The following BCAS1 variants were observed in gnomAD, a reference collection of about 807,000 sequenced individuals.
The protein encoded by BCAS1 is brain enriched myelin associated protein 1, also known as breast carcinoma-amplified sequence 1.
Under a neutral mutation model 65.4 loss-of-function variants are expected in BCAS1, and 46 were observed. The ratio of observed to expected loss-of-function variants is 0.70; its 90% CI spans 0.55 to 0.90. BCAS1 has a LOEUF of 0.90. BCAS1 is among the 40% of genes least tolerant of loss of function. BCAS1 has a pLI of 0.00. For synonymous variants in BCAS1, 298 were observed against 293.5 expected, an observed-to-expected ratio of 1.02 and a Z score of -0.16; for missense variants, 793 against 771.2, an observed-to-expected ratio of 1.03 and a Z score of -0.33.
intron 8 of BCAS1, among the ~76,000 whole-genome samples, chr20:53,983,759 T>G (rs2090542885): frequency 6.6e-6 from 1 of 152,186 alleles, no homozygotes; most frequent in Non-Finnish European, 1.5e-5. Context: ...ATTGGCTTGG[T>G]CAGGACTTTC....
intron 4 of BCAS1, among the ~76,000 whole-genome samples, chr20:54,022,519 G>T (rs1600899208): frequency 1.3e-5 from 2 of 152,280 alleles, no homozygotes; most frequent in African/African-American, 4.8e-5. Flanking sequence ...GCAGGTAGTA[G>T]CTTCCTTTTG....
intron 8 of BCAS1, among the ~76,000 whole-genome samples, chr20:53,979,381 G>A (rs1278487979): frequency 2.0e-5 from 3 of 152,124 alleles, no homozygotes; most frequent in Non-Finnish European, 4.4e-5. Flanking sequence ...AGCTACTCTC[G>A]AACTGGCTGT....
chr20:54,043,194 GCACA>G (rs2092031188), intron 3 of BCAS1, among the ~76,000 whole-genome samples: 1 of 152,184 alleles, frequency 6.6e-6, no homozygotes, highest in Non-Finnish European at 1.5e-5. Context: ...CAGATGGGAT[GCACA>G]TTGTGACGGG....
At chr20:53,994,861 T>C in intron 6 of BCAS1, 151 bp downstream of exon 6, 1 of 552,768 alleles carries the variant, frequency 1.8e-6, no homozygotes, top group Non-Finnish European at 3.1e-6. Context: ...ACAGCACTAT[T>C]AAATTGCTAA....
At chr20:53,954,293 TGGAGAG>T (rs754833028) in intron 11 of BCAS1, among the ~76,000 whole-genome samples, 1 of 59,290 alleles carries the variant, frequency 1.7e-5, no homozygotes, top group Admixed American at 2.0e-4. Context: ...AGCTGAGAAA[TGGAGAG>T]AGAGAGAGAG....
At chr20:54,058,292 A>T (rs2092327894) in intron 2 of BCAS1, 138 bp from the exon 3 acceptor site, 1 of 809,868 alleles carries the variant, frequency 1.2e-6, no homozygotes, top group Admixed American at 2.2e-5. Context: ...GAAACTCCCC[A>T]GTTTTCTATC....
chr20:54,066,262 CG>C (rs2092440996), intron 1 of BCAS1, among the ~76,000 whole-genome samples: 1 of 152,086 alleles, frequency 6.6e-6, no homozygotes. Context: ...TTGGTAGAGA[CG>C]GGGTTTCCCC....
At chr20:53,947,336 T>A (rs570493357) in intron 12 of BCAS1, among the ~76,000 whole-genome samples, 2 of 152,328 alleles carry the variant, frequency 1.3e-5, no homozygotes, top group East Asian at 3.8e-4. Flanking sequence ...CACTACTTCA[T>A]TCAACAACAT....
intron 3 of BCAS1, among the ~76,000 whole-genome samples, chr20:54,049,457 T>C (rs1290231574): frequency 6.6e-6 from 1 of 152,174 alleles, no homozygotes; most frequent in Non-Finnish European, 1.5e-5. Flanking sequence ...GCATTTTTAT[T>C]TCTCCAAAGA....
intron 4 of BCAS1, among the ~76,000 whole-genome samples, chr20:54,026,862 T>A (rs1248896933): frequency 6.6e-6 from 1 of 152,190 alleles, no homozygotes; most frequent in African/African-American, 2.4e-5. Flanking sequence ...CACACTCTGC[T>A]CCCCCAGCAC....
intron 3 of BCAS1, among the ~76,000 whole-genome samples, chr20:54,040,559 G>A (rs1336737922): frequency 6.6e-6 from 1 of 151,306 alleles, no homozygotes; most frequent in Non-Finnish European, 1.5e-5. Flanking sequence ...TTTCTTTGGA[G>A]CAGATATACT....
intron 11 of BCAS1, among the ~76,000 whole-genome samples, chr20:53,954,133 C>G (rs951543612): frequency 5.3e-5 from 8 of 152,168 alleles, no homozygotes; most frequent in African/African-American, 1.9e-4. Flanking sequence ...AACACTGGAG[C>G]TAATCTCAGA....
intron 3 of BCAS1, 111 bp from the exon 4 acceptor site, chr20:54,029,083 T>C: frequency 4.1e-6 from 6 of 1,450,820 alleles, no homozygotes; most frequent in Non-Finnish European, 5.4e-6. Flanking sequence ...ACTGGAACTG[T>C]GTTGTTCTCT....
At position 54,028,835 on chromosome 20, in the gene BCAS1, G is replaced by A. The variant is rs1392704375; in HGVS notation, c.280C>T (p.Arg94Cys). 5 of 1,614,084 alleles carry A rather than the reference G, an allele frequency of 3.1e-6. No individual in the cohort carries two copies. The Admixed American group carries it at 5.0e-5, about 16-fold the overall frequency. The change falls in exon 4 of 13, where the codon CGT (arginine) becomes TGT (cysteine). Residue 94 changes from arginine to cysteine, a missense_variant. Arg to Cys is a radical substitution (Grantham distance 180). Coordinates refer to ENST00000688948, the MANE Select transcript of BCAS1 (RefSeq NM_001366298.2). Reference protein sequence around the residue: ...AKPEAPAAKSRFFLMLSRPVP... With the variant: ...AKPEAPAAKSCFFLMLSRPVP... ...GGCCGAGAGAGCATCAAGAAAAAACGAGATTTAGCAGCTGGTGCCTCGGGT... is the reference window on the plus strand; with the variant it reads ...GGCCGAGAGAGCATCAAGAAAAAACAAGATTTAGCAGCTGGTGCCTCGGGT...
chr20:54,060,073 G>T (rs2092357684), intron 1 of BCAS1, among the ~76,000 whole-genome samples: 1 of 152,222 alleles, frequency 6.6e-6, no homozygotes, highest in South Asian at 2.1e-4. Context: ...GTTCAAGGCA[G>T]CATGGCACAG....
chr20:54,014,824 G>A (rs1293971828), intron 4 of BCAS1, among the ~76,000 whole-genome samples: 1 of 152,154 alleles, frequency 6.6e-6, no homozygotes, highest in Non-Finnish European at 1.5e-5. Flanking sequence ...ATAGTCTCTG[G>A]ACAATCACGA....
rs536183587 is a variant in BCAS1, at chr20:53,948,800, C to CT, written c.1816-3805dup. On this transcript the variant is annotated intron_variant, in intron 12 of 12. Transcript: ENST00000688948. ...ACTGAGGCTCCAAGATGACCTAGGA[C>CT]TAGGTCATGCGGTAACGGCCTGGCC... Among the ~76,000 whole-genome samples the CT allele has an allele frequency of 6.8e-4, 104 of 152,294 alleles. No individual in the cohort carries two copies. In the Middle Eastern group the frequency reaches 0.01, roughly 15 times the overall value.
chr20:54,008,474 A>G (rs2091249769), intron 4 of BCAS1, among the ~76,000 whole-genome samples: 1 of 152,116 alleles, frequency 6.6e-6, no homozygotes, highest in Admixed American at 6.5e-5. Context: ...AGGTCATGTG[A>G]GCAGAAAACT....
Position 54,028,570 on chromosome 20 carries a change from C to A in BCAS1, c.545G>T (p.Gly182Val). Residue 182 changes from glycine (G) to valine (V), a missense_variant, in exon 4 of 13, where the codon GGA (glycine) becomes GTA (valine). Physicochemically the swap from Gly to Val is moderately radical, Grantham distance 109 (BLOSUM62 -3). Coordinates refer to ENST00000688948, the MANE Select transcript of BCAS1 (RefSeq NM_001366298.2). ...LLPPETGGAG[G>V]EAPSKPKDSS... ...GTCCTTGGGCTTGGAGGGAGCTTCT[C>A]CTCCTGCTCCCCCTGTCTCAGGTGG... The A allele has an allele frequency of 6.2e-7, 1 of 1,614,152 alleles. No individual in the cohort carries two copies. Among genetic ancestry groups the A allele is most frequent in the Admixed American group, 1.7e-5 (1 of 60,028 alleles).
Sources: allele counts gnomAD v4.1 joint callset (sites outside exome capture counted in the v4.1 genomes callset), GRCh38; gene constraint gnomAD v4.1.1; transcripts MANE v1.5; gene names NCBI Gene and HGNC (gene_info 2026-07-23, HGNC 2026-07-21).